GOLGA3: variants seen among roughly 807,000 people sequenced by gnomAD.
GOLGA3 encodes the protein golgin A3.
Under a neutral mutation model 169.4 loss-of-function variants are expected in GOLGA3, and 75 were observed. The observed-to-expected ratio is 0.44, with a 90% CI of 0.37 to 0.54. GOLGA3 has a LOEUF of 0.54. Among genes scored for constraint, GOLGA3 ranks in the 20% least tolerant of loss-of-function variants. The probability of loss-of-function intolerance (pLI) is 0.00; values close to 1 mark genes in which losing one functional copy is unlikely to be tolerated. For missense variants in GOLGA3, 1,899 were observed against 1,930.0 expected (o/e 0.98, Z 0.30); for synonymous variants, 824 against 822.4 (o/e 1.00, Z -0.03).
At chr12:132,775,347 T>C (rs372938026) in intron 21 of GOLGA3, 42 bp from the exon 22 acceptor site, 4 of 1,540,854 alleles carry the variant, frequency 2.6e-6, no homozygotes, top group Non-Finnish European at 3.5e-6. Context: ...TAACAGATCT[T>C]AAACATCCTG....
At chr12:132,815,713 T>C (rs1274620770) in intron 3 of GOLGA3, among the ~76,000 whole-genome samples, 1 of 151,338 alleles carries the variant, frequency 6.6e-6, no homozygotes, top group African/African-American at 2.4e-5. Flanking sequence ...CTGGGAAACA[T>C]GGTGAGACCC....
At chr12:132,783,211 A>AATGGACACCACACCACCCTGCG (rs2045703469) in intron 16 of GOLGA3, among the ~76,000 whole-genome samples, 1 of 150,866 alleles carries the variant, frequency 6.6e-6, no homozygotes, top group Admixed American at 6.6e-5. Flanking sequence ...AACAAAGAAC[A>AATGGACACCACACCACCCTGCG]ATGGACACCA....
At chr12:132,782,019 T>C (rs1426804711) in intron 17 of GOLGA3, among the ~76,000 whole-genome samples, 4 of 151,890 alleles carry the variant, frequency 2.6e-5, no homozygotes, top group Admixed American at 6.6e-5. Context: ...CAGCCTCACC[T>C]CAGAGAGCCC....
rs1262127441 is a variant in GOLGA3, at chr12:132,780,051, G to A, written c.3582+747C>T. On this transcript the variant is annotated intron_variant, in intron 18 of 23. Coordinates refer to ENST00000450791, the MANE Select transcript of GOLGA3 (RefSeq NM_001389683.1). ...AGCCCTTGCACGGACACCCCCCCGC[G>A]CACATACACACACACACCCCAGGCA... Among the ~76,000 whole-genome samples the A allele has an allele frequency of 1.1e-3, 133 of 126,186 alleles. 2 individuals carry two copies. Among genetic ancestry groups the A allele is most frequent in the Non-Finnish European group, 3.4e-4 (21 of 61,954 alleles). 82.8% of individuals were successfully genotyped at this position (126,186 alleles called of 152,430 possible).
intron 22 of GOLGA3, chr12:132,774,925 T>C (rs1182682340): frequency 3.5e-6 from 2 of 569,676 alleles, no homozygotes; most frequent in Non-Finnish European, 6.2e-6. Context: ...AAAGTGGTAT[T>C]TGAATTCACA....
chr12:132,812,442 G>A (rs1949766903), intron 4 of GOLGA3, among the ~76,000 whole-genome samples: 1 of 152,102 alleles, frequency 6.6e-6, no homozygotes, highest in East Asian at 1.9e-4. Flanking sequence ...TCCTCTCATG[G>A]ATCTGGGCAA....
intron 2 of GOLGA3, among the ~76,000 whole-genome samples, chr12:132,817,084 C>T (rs1949991131): frequency 6.6e-6 from 1 of 151,770 alleles, no homozygotes; most frequent in South Asian, 2.1e-4. Context: ...CGTGAACCCG[C>T]CCTCCACACC....
At chr12:132,787,291 C>G (rs1237348568) in intron 13 of GOLGA3, among the ~76,000 whole-genome samples, 3 of 152,072 alleles carry the variant, frequency 2.0e-5, no homozygotes, top group African/African-American at 7.2e-5. Flanking sequence ...CGTTTCCAAA[C>G]ACTGTCCAGA....
chr12:132,806,002 C>T (rs899956579), intron 6 of GOLGA3, among the ~76,000 whole-genome samples: 1 of 152,182 alleles, frequency 6.6e-6, no homozygotes, highest in Non-Finnish European at 1.5e-5. Context: ...GAGTGGCCAC[C>T]GCAGTGCTGT....
Position 132,808,137 on chromosome 12 carries a change from T to A in GOLGA3, c.932A>T (p.Asp311Val), listed in dbSNP as rs760394537. ...SLAGDSVSEV[D>V]GNDSDSSSYS... ...CGATGAGCTGTCGCTGTCATTTCCA[T>A]CCACCTCAGACACGCTGTCTCCAGC... is the stretch of plus-strand genomic sequence containing the variant. The change falls in exon 5 of 24, where the codon GAT becomes GTT. Residue 311 changes from aspartate to valine, a missense_variant. Physicochemically the swap from Asp to Val is radical, Grantham distance 152. Coordinates refer to ENST00000450791, the MANE Select transcript of GOLGA3 (RefSeq NM_001389683.1). 6.2e-7 allele frequency: 1 copy of A among 1,609,304 alleles called. No homozygotes were observed. Among genetic ancestry groups the A allele is most frequent in the Non-Finnish European group, 8.5e-7 (1 of 1,176,910 alleles).
In GOLGA3 at chr12:132,789,130, C is replaced by T. The variant is rs372473097; in HGVS notation, c.2708G>A (p.Arg903His). 9.4e-5 allele frequency: 152 copies of T among 1,613,128 alleles called. No homozygotes were observed. The highest frequency in any genetic ancestry group is 1.2e-4 in the Non-Finnish European group (142 of 1,180,034). ...EKRTAEAELSRLHREVAQVRQ... is the reference protein window; with the variant it reads ...EKRTAEAELSHLHREVAQVRQ... ...GACCTGGGCCACCTCTCTGTGCAGG[C>T]GCGAGAGCTCCGCCTCGGCAGTCCG... The change falls in exon 13 of 24, where the codon CGC becomes CAC. Residue 903 changes from arginine (R) to histidine (H), a missense_variant. By Grantham distance (29) the Arg-to-His change is conservative (BLOSUM62 0). Transcript: ENST00000450791.
Position 132,773,270 on chromosome 12 carries a change from G to A in GOLGA3, c.4332C>T (p.Arg1444=). ...QLKQEMDSLQ[R]QMEEHALTVH... Reference sequence around the variant, plus strand: ...CCGTCAGGGCGTGCTCCTCCATCTGGCGCTGCAGGCTGTCCATCTCCTGCC... The same window carrying A: ...CCGTCAGGGCGTGCTCCTCCATCTGACGCTGCAGGCTGTCCATCTCCTGCC... The change falls in exon 24 of 24, where the codon CGC becomes CGT. Residue 1444 remains arginine (R), a synonymous_variant. Transcript: ENST00000450791. 1.4e-6 allele frequency: 2 copies of A among 1,448,336 alleles called. No homozygotes were observed. Among genetic ancestry groups the A allele is most frequent in the Admixed American group, 2.5e-5 (1 of 40,312 alleles). The allele number at this position is 1,448,336 out of a possible 1,614,324, so 89.7% of individuals were successfully genotyped here.
Position 132,784,294 on chromosome 12 carries a change from G to A in GOLGA3, c.3137C>T (p.Ala1046Val). 1 of 1,607,936 alleles carries A rather than the reference G, an allele frequency of 6.2e-7. No individual in the cohort carries two copies. The highest frequency in any genetic ancestry group is 8.5e-7 in the Non-Finnish European group (1 of 1,179,592). ...GACAGCCTGCAGCTCCGCCTCCAGGGCCTGGATCCTTTCCTAAGGGCCAAG... is the reference window on the plus strand; with the variant it reads ...GACAGCCTGCAGCTCCGCCTCCAGGACCTGGATCCTTTCCTAAGGGCCAAG... ...SSLALHERIQ[A>V]LEAELQAVSH... Residue 1046 changes from alanine to valine, a missense_variant, in exon 16 of 24, where the codon GCC becomes GTC. Coordinates refer to ENST00000450791, the MANE Select transcript of GOLGA3 (RefSeq NM_001389683.1).
intron 5 of GOLGA3, among the ~76,000 whole-genome samples, 163 bp from the exon 6 acceptor site, chr12:132,807,451 G>A (rs915462986): frequency 6.6e-6 from 1 of 152,178 alleles, no homozygotes; most frequent in Non-Finnish European, 1.5e-5. Context: ...ATGCACGGAT[G>A]AACATTCCTG....
intron 16 of GOLGA3, 75 bp downstream of exon 16, chr12:132,784,089 C>G: frequency 6.3e-7 from 1 of 1,592,258 alleles, no homozygotes; most frequent in Non-Finnish European, 8.5e-7. Context: ...TTCTTCGGGT[C>G]TCACGCGTGG....
chr12:132,773,524 CACTG>C (rs1454902176), intron 23 of GOLGA3, among the ~76,000 whole-genome samples: 4 of 152,240 alleles, frequency 2.6e-5, no homozygotes, highest in African/African-American at 9.6e-5. Flanking sequence ...TGGAAGCTGT[CACTG>C]AGGCCTGGCA....
rs1949269641 is a variant in GOLGA3, at chr12:132,804,220, A to G, written c.1597+496T>C. ...GACAGTCAAGGAGCTGTTCTTGAAT[A>G]TTTTAAATGGAATCTGCAATTCTGT... On this transcript the variant is annotated intron_variant, in intron 7 of 23. Transcript: ENST00000450791. The surrounding 1 kb of genome is among the most constrained non-coding windows in gnomAD (Gnocchi z 4.1). 6.6e-6 allele frequency among the ~76,000 whole-genome samples: 1 copy of G among 152,192 alleles called. No homozygotes were observed. Among genetic ancestry groups the G allele is most frequent in the South Asian group, 2.1e-4 (1 of 4,832 alleles).
At chr12:132,815,356 G>A (rs748159437) in intron 3 of GOLGA3, among the ~76,000 whole-genome samples, 1 of 152,170 alleles carries the variant, frequency 6.6e-6, no homozygotes, top group Non-Finnish European at 1.5e-5. Flanking sequence ...AGGTGTGCAC[G>A]TAGACCCAGC....
At chr12:132,817,422 T>A (rs879933433) in intron 2 of GOLGA3, among the ~76,000 whole-genome samples, 21 of 1,934 alleles carry the variant, frequency 0.011, no homozygotes, top group African/African-American at 0.021. Flanking sequence ...CGCCCTCCAC[T>A]CCTCCACGCT....
Sources: gnomAD v4.1 joint callset for allele counts (sites outside exome capture counted in the v4.1 genomes callset) on GRCh38, gnomAD v4.1.1 for gene constraint, Gnocchi (gnomAD v3.1) non-coding constraint, MANE v1.5 for transcripts, NCBI Gene and HGNC (gene_info 2026-07-23, HGNC 2026-07-21) for gene names.